Variants in CAMKMT observed in about 807,000 individuals in gnomAD.
The protein encoded by CAMKMT is CaM KMT.
A neutral mutation model predicts 48.0 loss-of-function variants in CAMKMT; 53 were observed. The ratio of observed to expected loss-of-function variants is 1.10; its 90% CI spans 0.89 to 1.39. The LOEUF (loss-of-function observed/expected upper bound fraction) is 1.39. CAMKMT is among the 40% of genes most tolerant of loss of function. The pLI is 0.00. For missense variants in CAMKMT, 428 were observed against 402.7 expected (o/e 1.06, Z -0.54); for synonymous variants, 165 against 152.3 (o/e 1.08, Z -0.61).
intron 3 of CAMKMT, among the ~76,000 whole-genome samples, chr2:44,589,242 C>A (rs1325070434): frequency 2.3e-4 from 11 of 47,554 alleles, no homozygotes; most frequent in Admixed American, 2.1e-3. Flanking sequence ...TGGCCAGCCG[C>A]CCCGTCCGGG....
In CAMKMT at chr2:44,738,842, C is replaced by T. The variant is rs149686038; in HGVS notation, c.624-4780C>T. ...TTTAAAGAGGATGGTCAGGGAAGGC[C>T]TCCCTGAGAAGGTAAGACATATACA... On this transcript the variant is annotated intron_variant, in intron 7 of 10. Coordinates refer to ENST00000378494, the MANE Select transcript of CAMKMT (RefSeq NM_024766.5). Among the ~76,000 whole-genome samples the T allele has an allele frequency of 2.7e-3, 416 of 152,224 alleles. 3 individuals carry two copies. The highest frequency in any genetic ancestry group is 9.4e-3 in the African/African-American group (391 of 41,512).
intron 3 of CAMKMT, among the ~76,000 whole-genome samples, chr2:44,704,082 A>G (rs1190395815): frequency 6.6e-6 from 1 of 152,188 alleles, no homozygotes. Context: ...ATATTTTTCT[A>G]TTATCCTTGG....
intron 2 of CAMKMT, among the ~76,000 whole-genome samples, chr2:44,375,053 C>G (rs1437216798): frequency 6.6e-6 from 1 of 152,032 alleles, no homozygotes; most frequent in Non-Finnish European, 1.5e-5. Flanking sequence ...ATCCTTACAG[C>G]CCAGGATTTC....
chr2:44,508,291 T>C (rs78069433), intron 3 of CAMKMT, among the ~76,000 whole-genome samples: 16,068 of 152,114 alleles, frequency 0.11, 1,916 homozygotes, highest in East Asian at 0.34. Flanking sequence ...TATAGCCACA[T>C]TGGTGGGAAA....
chr2:44,730,257 T>C (rs1203715463), intron 7 of CAMKMT, among the ~76,000 whole-genome samples: 1 of 152,210 alleles, frequency 6.6e-6, no homozygotes, highest in Non-Finnish European at 1.5e-5. Flanking sequence ...TGCTTCTTCA[T>C]TCCCCATCCA....
At chr2:44,645,361 C>G (rs968619490) in intron 3 of CAMKMT, among the ~76,000 whole-genome samples, 1 of 152,176 alleles carries the variant, frequency 6.6e-6, no homozygotes, top group Non-Finnish European at 1.5e-5. Context: ...ACATACAAAC[C>G]ACAGCGGAGA....
intron 3 of CAMKMT, among the ~76,000 whole-genome samples, chr2:44,663,429 C>CA (rs1477185243): frequency 3.3e-5 from 5 of 152,198 alleles, no homozygotes; most frequent in African/African-American, 9.6e-5. Context: ...ACAAATAAAT[C>CA]AGTCTGTTCA....
intron 3 of CAMKMT, among the ~76,000 whole-genome samples, chr2:44,459,496 T>C (rs1667743154): frequency 6.6e-6 from 1 of 152,204 alleles, no homozygotes; most frequent in Admixed American, 6.5e-5. Flanking sequence ...GTGTTCTGTA[T>C]TTTAAAAGAG....
At chr2:44,397,532 T>C (rs1001626285) in intron 3 of CAMKMT, among the ~76,000 whole-genome samples, 4 of 152,218 alleles carry the variant, frequency 2.6e-5, no homozygotes, top group African/African-American at 9.6e-5. Context: ...TCCCTAGCCA[T>C]GTGTCTCCAA....
intron 3 of CAMKMT, among the ~76,000 whole-genome samples, chr2:44,446,897 C>T (rs527816053): frequency 1.3e-5 from 2 of 152,338 alleles, no homozygotes; most frequent in African/African-American, 4.8e-5. Flanking sequence ...GTTGTACATA[C>T]ACATGTTATG....
chr2:44,579,500 T>C lies in CAMKMT; in HGVS notation c.377-124783T>C, dbSNP rs76296541. 5.3e-3 allele frequency among the ~76,000 whole-genome samples: 802 copies of C among 152,292 alleles called. 6 individuals are homozygous for C. Among genetic ancestry groups the C allele is most frequent in the African/African-American group, 0.018 (759 of 41,564 alleles). ...ATGTACATCACATTCTTTGACTCTA[T>C]TGCGAGGTAGAAGCTGCATGGAAAG... On this transcript the variant is annotated intron_variant, in intron 3 of 10. Coordinates refer to ENST00000378494, the MANE Select transcript of CAMKMT (RefSeq NM_024766.5).
At chr2:44,382,194 C>T (rs571503317) in intron 2 of CAMKMT, among the ~76,000 whole-genome samples, 4 of 152,036 alleles carry the variant, frequency 2.6e-5, no homozygotes, top group East Asian at 1.9e-4. Context: ...CTACCTGCGT[C>T]AACCTCCTAA....
chr2:44,655,810 G>A (rs1674348209), intron 3 of CAMKMT, among the ~76,000 whole-genome samples: 1 of 152,158 alleles, frequency 6.6e-6, no homozygotes, highest in South Asian at 2.1e-4. Context: ...TCATGATAAA[G>A]TCTGCAATAA....
At chr2:44,692,276 C>G (rs1054568359) in intron 3 of CAMKMT, among the ~76,000 whole-genome samples, 1 of 151,984 alleles carries the variant, frequency 6.6e-6, no homozygotes, top group Non-Finnish European at 1.5e-5. Context: ...AAAAATTACT[C>G]TATGTTAGGC....
chr2:44,612,697 G>T, intron 3 of CAMKMT, among the ~76,000 whole-genome samples: 1 of 152,286 alleles, frequency 6.6e-6, no homozygotes, highest in East Asian at 1.9e-4. Flanking sequence ...GCCAAATGCA[G>T]ATGAAAGGTT....
intron 3 of CAMKMT, among the ~76,000 whole-genome samples, chr2:44,437,395 G>A (rs913759695): frequency 2.6e-5 from 4 of 152,188 alleles, no homozygotes; most frequent in Non-Finnish European, 4.4e-5. Context: ...AGGGTTACTG[G>A]GGGGATAGTT....
chr2:44,432,392 A>C (rs1475746443), intron 3 of CAMKMT, among the ~76,000 whole-genome samples: 3 of 152,150 alleles, frequency 2.0e-5, no homozygotes, highest in African/African-American at 4.8e-5. Flanking sequence ...CTGATTACGA[A>C]GGCACCCCAC....
intron 3 of CAMKMT, among the ~76,000 whole-genome samples, chr2:44,558,285 C>T (rs1373832461): frequency 6.6e-6 from 1 of 152,072 alleles, no homozygotes; most frequent in African/African-American, 2.4e-5. Context: ...AGTGAGCCTC[C>T]TGCCTTGGCC....
chr2:44,495,763 A>G (rs1427745038), intron 3 of CAMKMT, among the ~76,000 whole-genome samples: 2 of 152,182 alleles, frequency 1.3e-5, no homozygotes, highest in Non-Finnish European at 2.9e-5. Flanking sequence ...GTGTAGTTCC[A>G]GCAGTGGTGT....
Sources: allele counts gnomAD v4.1 joint callset (sites outside exome capture counted in the v4.1 genomes callset), GRCh38; gene constraint gnomAD v4.1.1; transcripts MANE v1.5; gene names NCBI Gene and HGNC (gene_info 2026-07-23, HGNC 2026-07-21).